Variants in EPHA6 observed in about 807,000 individuals in gnomAD.
EPHA6 encodes the protein EPH receptor A6.
Under a neutral mutation model 112.0 loss-of-function variants are expected in EPHA6, and 50 were observed. That is an observed-to-expected ratio of 0.45 (90% CI 0.36 to 0.56). The LOEUF (loss-of-function observed/expected upper bound fraction) is 0.56, where lower values mean the gene tolerates loss of function less well. Ranked by LOEUF, EPHA6 falls within the 20% of genes least tolerant of loss-of-function variation. EPHA6 has a pLI of 0.00. For missense variants in EPHA6, 1,280 were observed against 1,417.4 expected, an observed-to-expected ratio of 0.90 and a Z score of 1.56; for synonymous variants, 529 against 490.7, an observed-to-expected ratio of 1.08 and a Z score of -1.03.
At chr3:97,117,024 T>G (rs1192282897) in intron 3 of EPHA6, among the ~76,000 whole-genome samples, 2 of 151,850 alleles carry the variant, frequency 1.3e-5, no homozygotes, top group East Asian at 3.9e-4. Context: ...ATAGCCCTTT[T>G]AACCATATGA....
At chr3:96,993,759 G>A (rs1367267439) in intron 3 of EPHA6, among the ~76,000 whole-genome samples, 1 of 152,130 alleles carries the variant, frequency 6.6e-6, no homozygotes, top group Non-Finnish European at 1.5e-5. Context: ...TGAGGATGAT[G>A]AAAATATATA....
At position 97,483,931 on chromosome 3, in the gene EPHA6, C is replaced by A; in HGVS notation, c.2075-3C>A. ...ATCAATCGTTTTGTTATTGTTGTTG[C>A]AGTGCGCTTCCCGGGAATTAAAACT... On this transcript the variant is annotated splice_region_variant and splice_polypyrimidine_tract_variant and intron_variant, in intron 9 of 17. Coordinates refer to ENST00000389672, the MANE Select transcript of EPHA6 (RefSeq NM_001080448.3). 1 of 1,591,642 alleles carries A rather than the reference C, an allele frequency of 6.3e-7. No individual in the cohort carries two copies. The highest frequency in any genetic ancestry group is 8.5e-7 in the Non-Finnish European group (1 of 1,170,372).
chr3:96,931,549 A>C (rs913414848), intron 2 of EPHA6, among the ~76,000 whole-genome samples: 1 of 152,184 alleles, frequency 6.6e-6, no homozygotes, highest in African/African-American at 2.4e-5. Flanking sequence ...CACTTAAAGA[A>C]GCAGTCTGGC....
rs111867333 is a variant in EPHA6, at chr3:97,465,347, A to G, written c.1895-10005A>G. 5.5e-3 allele frequency among the ~76,000 whole-genome samples: 844 copies of G among 152,210 alleles called. 11 individuals are homozygous for G. The highest frequency in any genetic ancestry group is 0.02 in the African/African-American group (813 of 41,550). ...GTAAATAGTAGGGCAATACTGTGCCAAAAACCTTCTTGCTGCTAATACGAA... is the reference window on the plus strand; with the variant it reads ...GTAAATAGTAGGGCAATACTGTGCCGAAAACCTTCTTGCTGCTAATACGAA... On this transcript the variant is annotated intron_variant, in intron 7 of 17. Transcript: ENST00000389672.
rs145196266 is a variant in EPHA6 at position 97,220,918 on chromosome 3, G to A, written c.1115-5346G>A. Among the ~76,000 whole-genome samples the A allele has an allele frequency of 4.9e-3, 740 of 152,274 alleles. 5 individuals are homozygous for A. Among genetic ancestry groups the A allele is most frequent in the Middle Eastern group, 0.01 (3 of 294 alleles). On this transcript the variant is annotated intron_variant, in intron 3 of 17. Transcript: ENST00000389672. Reference sequence around the variant, plus strand: ...TGGAGTGGATATGAGCAGGGAGAAAGCAGAGAAAGGCAGACCTGAGATGAA... The same window carrying A: ...TGGAGTGGATATGAGCAGGGAGAAAACAGAGAAAGGCAGACCTGAGATGAA...
chr3:97,036,520 G>C (rs1402503785), intron 3 of EPHA6, among the ~76,000 whole-genome samples: 1 of 151,932 alleles, frequency 6.6e-6, no homozygotes, highest in Non-Finnish European at 1.5e-5. Context: ...AGCTTAAAAA[G>C]ATGACCCTGA....
chr3:97,164,803 G>A lies in EPHA6; in HGVS notation c.1115-61461G>A, dbSNP rs79256911. ...CAGCTTTTATTGGCTCTGCTTTCATGATGTCACTTACTTATCTTTATTTCT... is the reference window on the plus strand; with the variant it reads ...CAGCTTTTATTGGCTCTGCTTTCATAATGTCACTTACTTATCTTTATTTCT... On this transcript the variant is annotated intron_variant, in intron 3 of 17. Coordinates refer to ENST00000389672, the MANE Select transcript of EPHA6 (RefSeq NM_001080448.3). 3.1e-3 allele frequency among the ~76,000 whole-genome samples: 466 copies of A among 152,002 alleles called. 3 individuals are homozygous for A. Among genetic ancestry groups the A allele is most frequent in the African/African-American group, 0.01 (424 of 41,468 alleles).
intron 11 of EPHA6, among the ~76,000 whole-genome samples, chr3:97,560,948 C>T (rs2093181062): frequency 6.6e-6 from 1 of 151,874 alleles, no homozygotes; most frequent in Non-Finnish European, 1.5e-5. Context: ...ATTATTATTA[C>T]ATTTTGATAT....
intron 11 of EPHA6, among the ~76,000 whole-genome samples, chr3:97,557,567 A>G (rs1053866046): frequency 6.6e-6 from 1 of 151,898 alleles, no homozygotes; most frequent in African/African-American, 2.4e-5. Context: ...TGTCTTTTTA[A>G]TATTAATTCT....
chr3:97,111,187 C>T (rs896072305), intron 3 of EPHA6, among the ~76,000 whole-genome samples: 1 of 152,038 alleles, frequency 6.6e-6, no homozygotes, highest in Admixed American at 6.6e-5. Context: ...AGGTTATTTT[C>T]AACAACAACA....
At chr3:96,871,448 T>G (rs1265501951) in intron 2 of EPHA6, among the ~76,000 whole-genome samples, 1 of 152,046 alleles carries the variant, frequency 6.6e-6, no homozygotes, top group African/African-American at 2.4e-5. Context: ...AAATCCAGAC[T>G]TCTATATAGA....
intron 2 of EPHA6, among the ~76,000 whole-genome samples, chr3:96,867,206 A>C (rs1426807365): frequency 6.6e-6 from 1 of 151,840 alleles, no homozygotes; most frequent in African/African-American, 2.4e-5. Flanking sequence ...TTTATGTTAA[A>C]TTTGATAACC....
chr3:97,695,419 G>A (rs1463423560), intron 14 of EPHA6, among the ~76,000 whole-genome samples: 1 of 152,164 alleles, frequency 6.6e-6, no homozygotes, highest in Non-Finnish European at 1.5e-5. Context: ...AGTCACCCTT[G>A]TCTTTTATTC....
At chr3:97,581,592 CA>C (rs996975027) in intron 11 of EPHA6, among the ~76,000 whole-genome samples, 5 of 152,238 alleles carry the variant, frequency 3.3e-5, no homozygotes, top group African/African-American at 1.2e-4. Flanking sequence ...TATTTTGTGC[CA>C]GGCACTTTAT....
chr3:96,980,796 T>G (rs1231271999), intron 2 of EPHA6, among the ~76,000 whole-genome samples: 1 of 152,208 alleles, frequency 6.6e-6, no homozygotes, highest in East Asian at 1.9e-4. Context: ...CTAGGTATTT[T>G]ATTCTCTTTG....
intron 5 of EPHA6, among the ~76,000 whole-genome samples, chr3:97,351,982 A>G (rs1366891385): frequency 1.3e-5 from 2 of 152,164 alleles, no homozygotes; most frequent in Non-Finnish European, 2.9e-5. Flanking sequence ...AGCATGGGTC[A>G]TGGAAACAAA....
In EPHA6 at chr3:97,425,803, T is replaced by C. The variant is rs543991428; in HGVS notation, c.1731+20529T>C. On this transcript the variant is annotated intron_variant, in intron 6 of 17. Transcript: ENST00000389672. ...TGCTTCCTCTTGAACACTTTACTGC[T>C]TAGAAATTTCTTCTACCAGATACTC... is the stretch of plus-strand genomic sequence containing the variant. 3.9e-5 allele frequency among the ~76,000 whole-genome samples: 6 copies of C among 152,298 alleles called. No homozygotes were observed. In the East Asian group the frequency reaches 1.2e-3, roughly 29 times the overall value.
chr3:97,494,875 G>A (rs1442001468), intron 10 of EPHA6, among the ~76,000 whole-genome samples: 1 of 152,128 alleles, frequency 6.6e-6, no homozygotes, highest in Non-Finnish European at 1.5e-5. Context: ...AGCCTAAATT[G>A]TCTAAATCTT....
At chr3:97,078,745 T>A (rs751638630) in intron 3 of EPHA6, among the ~76,000 whole-genome samples, 1 of 152,168 alleles carries the variant, frequency 6.6e-6, no homozygotes, top group African/African-American at 2.4e-5. Flanking sequence ...TTCTGCTCCA[T>A]TGGTCTATAT....
Sources: allele counts gnomAD v4.1 joint callset (sites outside exome capture counted in the v4.1 genomes callset), GRCh38; gene constraint gnomAD v4.1.1; transcripts MANE v1.5; gene names NCBI Gene and HGNC (gene_info 2026-07-23, HGNC 2026-07-21).